TMEM63B: variants seen among roughly 807,000 people sequenced by gnomAD.
TMEM63B encodes mechanosensitive cation channel TMEM63B.
TMEM63B carries 23 observed loss-of-function variants against 102.6 expected under a neutral mutation model. The ratio of observed to expected loss-of-function variants is 0.22; its 90% CI spans 0.16 to 0.32. The LOEUF (loss-of-function observed/expected upper bound fraction) is 0.32. TMEM63B is among the 10% of genes least tolerant of loss of function. The pLI is 1.00. For synonymous variants in TMEM63B, 444 were observed against 437.0 expected, an observed-to-expected ratio of 1.02 and a Z score of -0.20; for missense variants, 628 against 1,095.9, an observed-to-expected ratio of 0.57 and a Z score of 6.03.
At chr6:44,133,049 G>A (rs1762260660) in intron 1 of TMEM63B, among the ~76,000 whole-genome samples, 2 of 152,296 alleles carry the variant, frequency 1.3e-5, no homozygotes. Context: ...GATCGTCGAG[G>A]ATTAAATGAA....
intron 10 of TMEM63B, among the ~76,000 whole-genome samples, chr6:44,142,816 G>T (rs971777308): frequency 1.3e-5 from 2 of 152,126 alleles, no homozygotes; most frequent in Non-Finnish European, 2.9e-5. Flanking sequence ...TTTAAGACCA[G>T]CCTGGACAAC....
chr6:44,132,122 G>A (rs1037275490), intron 1 of TMEM63B, among the ~76,000 whole-genome samples: 12 of 152,304 alleles, frequency 7.9e-5, no homozygotes, highest in African/African-American at 2.9e-4. Context: ...TACCTGTCCT[G>A]TCACTGTGCA....
intron 15 of TMEM63B, chr6:44,149,214 C>T: frequency 5.6e-6 from 3 of 538,536 alleles, no homozygotes. Context: ...GAGAAGTCCC[C>T]TTCCCTCACC....
rs1310144188 is a variant in TMEM63B, at chr6:44,154,765, A to G, written c.2381A>G (p.Asp794Gly). 2 of 1,607,524 alleles carry G rather than the reference A, an allele frequency of 1.2e-6. No homozygotes were observed. Among genetic ancestry groups the G allele is most frequent in the South Asian group, 1.1e-5 (1 of 90,444 alleles). The change falls in exon 24 of 24, where the codon GAT becomes GGT. Residue 794 changes from aspartate to glycine, a missense_variant. Coordinates refer to ENST00000323267, the MANE Select transcript of TMEM63B (RefSeq NM_018426.3). ...GATGGGGCTCCTGGGAGCTCAGGGG[A>G]TGAGCCCCCATCATCCTCATCCCAA... ...DGDGAPGSSGDEPPSSSSQDE... is the reference protein window; with the variant it reads ...DGDGAPGSSGGEPPSSSSQDE...
In TMEM63B at chr6:44,135,812, G is replaced by T. The variant is rs139567957; in HGVS notation, c.278+446G>T. On this transcript the variant is annotated intron_variant, in intron 4 of 23. Coordinates refer to ENST00000323267, the MANE Select transcript of TMEM63B (RefSeq NM_018426.3). The stretch of plus-strand genomic sequence containing the variant: ...CTGCCCAAGGAGCCCCCCAGTCTGG[G>T]CTTTTTTGTCACTTTGTCATCTCTG... 6.0e-3 allele frequency among the ~76,000 whole-genome samples: 911 copies of T among 152,336 alleles called. 4 individuals carry two copies. Among genetic ancestry groups the T allele is most frequent in the Middle Eastern group, 0.014 (4 of 294 alleles).
At chr6:44,128,912 G>C (rs746032353) in intron 1 of TMEM63B, among the ~76,000 whole-genome samples, 1 of 152,208 alleles carries the variant, frequency 6.6e-6, no homozygotes, top group Non-Finnish European at 1.5e-5. Flanking sequence ...CCTGTGGGTG[G>C]ATGGGGACAT....
At chr6:44,154,047 C>A in intron 21 of TMEM63B, 26 bp from the exon 22 acceptor site, 2 of 1,608,102 alleles carry the variant, frequency 1.2e-6, no homozygotes, top group Non-Finnish European at 1.7e-6. Flanking sequence ...GAGATAGCAA[C>A]CCCATTCTTT....
rs1037608838 is a variant in TMEM63B at position 44,127,583 on chromosome 6, G to T, written c.-120G>T. The T allele has an allele frequency of 1.5e-5, 2 of 129,316 alleles. No individual in the cohort carries two copies. Among genetic ancestry groups the T allele is most frequent in the Admixed American group, 8.7e-5 (1 of 11,462 alleles). 8.0% of individuals were successfully genotyped at this position (129,316 alleles called of 1,614,324 possible). A position where few individuals can be genotyped will look rare whatever the true frequency, so the allele number is the denominator to read the frequency against. On this transcript the variant is annotated 5_prime_UTR_variant, in exon 1 of 24. Transcript: ENST00000323267. ...ACTGCCGCGGCCGCCGCAGGAGCCC[G>T]GAGCTCGAGCCGCCCAGCGACTCCC...
rs778369327 is a variant in TMEM63B, at chr6:44,153,661, T to C, written c.1943-15T>C. 5.0e-6 allele frequency: 8 copies of C among 1,609,744 alleles called. No individual in the cohort carries two copies. The highest frequency in any genetic ancestry group is 6.8e-6 in the Non-Finnish European group (8 of 1,177,294). ...GCACTGGTTCCGAGGTCAGGGCCCA[T>C]GTGGCTTCCCTTAGGGCTCATGTAC... On this transcript the variant is annotated splice_polypyrimidine_tract_variant and intron_variant, in intron 20 of 23. Coordinates refer to ENST00000323267, the MANE Select transcript of TMEM63B (RefSeq NM_018426.3).
rs746366319 is a variant in TMEM63B, at chr6:44,146,905, C to G, written c.841C>G (p.Leu281Val). The part of the protein sequence containing the change: ...EARPCYNVAR[L>V]MFLDAERKKA... ...CCGCCCGTGTTACAACGTGGCTCGC[C>G]TAATGTTCCTCGATGCAGAGAGGTA... is the stretch of plus-strand genomic sequence containing the variant. The change falls in exon 11 of 24, where the codon CTA becomes GTA. Residue 281 changes from leucine to valine, a missense_variant. Transcript: ENST00000323267. 1 of 1,614,112 alleles carries G rather than the reference C, an allele frequency of 6.2e-7. No homozygotes were observed. The highest frequency in any genetic ancestry group is 1.1e-5 in the South Asian group (1 of 91,080).
chr6:44,149,268 G>A, intron 15 of TMEM63B: 1 of 426,812 alleles, frequency 2.3e-6, no homozygotes, highest in South Asian at 2.3e-5. Flanking sequence ...CTAGATCAGT[G>A]GCTTTGGACT....
upstream of TMEM63B, chr6:44,127,257 C>T (rs1044812787): frequency 4.7e-5 from 7 of 148,038 alleles, no homozygotes; most frequent in African/African-American, 1.7e-4. Flanking sequence ...TCACTCACCC[C>T]GGGGAGTGGG....
At chr6:44,153,438 A>C (rs1767228768) in intron 20 of TMEM63B, among the ~76,000 whole-genome samples, 4 of 152,238 alleles carry the variant, frequency 2.6e-5, no homozygotes, top group Non-Finnish European at 4.4e-5. Context: ...TGTTGATTCA[A>C]ATGACTAGAT....
At chr6:44,131,320 G>A (rs984085318) in intron 1 of TMEM63B, among the ~76,000 whole-genome samples, 1 of 152,106 alleles carries the variant, frequency 6.6e-6, no homozygotes, top group African/African-American at 2.4e-5. Flanking sequence ...TTACAGATTG[G>A]AAGACTGAGA....
At chr6:44,131,743 A>G (rs895111223) in intron 1 of TMEM63B, among the ~76,000 whole-genome samples, 1 of 144,242 alleles carries the variant, frequency 6.9e-6, no homozygotes, top group African/African-American at 2.5e-5. Flanking sequence ...AACCCCCCCA[A>G]AAAAAAGCTT....
intron 5 of TMEM63B, chr6:44,138,273 G>A: frequency 2.1e-6 from 1 of 480,704 alleles, no homozygotes; most frequent in South Asian, 2.1e-5. Context: ...GTTTAGTGTT[G>A]GTCTTTTTTC....
intron 9 of TMEM63B, 67 bp from the exon 10 acceptor site, chr6:44,140,961 C>T: frequency 3.5e-6 from 5 of 1,414,636 alleles, no homozygotes; most frequent in Non-Finnish European, 4.0e-6. Context: ...GTGCCCCCCA[C>T]CCCTCACATC....
At chr6:44,129,646 T>G (rs1398443164) in intron 1 of TMEM63B, among the ~76,000 whole-genome samples, 1 of 152,170 alleles carries the variant, frequency 6.6e-6, no homozygotes, top group Admixed American at 6.5e-5. Flanking sequence ...TGTAAACCCT[T>G]AGGTCTAAAT....
rs1217505734 is a variant in TMEM63B at position 44,152,399 on chromosome 6, G to A, written c.1837-194G>A. Among the ~76,000 whole-genome samples, 6 of 151,092 alleles carry A rather than the reference G, an allele frequency of 4.0e-5. No individual in the cohort carries two copies. Among genetic ancestry groups the A allele is most frequent in the Non-Finnish European group, 7.4e-5 (5 of 67,818 alleles). ...CTCTCCGTGCCCCATCACTGCAACC[G>A]CCCTGACCCTCCTCTCGGCCATAGC... is the stretch of plus-strand genomic sequence containing the variant. On this transcript the variant is annotated intron_variant, in intron 19 of 23. Coordinates refer to ENST00000323267, the MANE Select transcript of TMEM63B (RefSeq NM_018426.3). This position sits in a 1 kb window ranked among gnomAD's most constrained non-coding sequence, Gnocchi z 6.4.
Sources: allele counts gnomAD v4.1 joint callset (sites outside exome capture counted in the v4.1 genomes callset), GRCh38; gene constraint gnomAD v4.1.1; non-coding constraint Gnocchi (gnomAD v3.1); transcripts MANE v1.5; gene names NCBI Gene and HGNC (gene_info 2026-07-23, HGNC 2026-07-21).